The following CTBP2 variants were observed in gnomAD, a reference collection of about 807,000 sequenced individuals.
CTBP2 encodes C-terminal-binding protein 2.
CTBP2 carries 30 observed loss-of-function variants against 80.3 expected under a neutral mutation model. That is an observed-to-expected ratio of 0.37 (90% CI 0.28 to 0.51). The LOEUF is 0.51. Ranked by LOEUF, CTBP2 falls within the 20% of genes least tolerant of loss-of-function variation. The pLI, the probability that CTBP2 is intolerant of heterozygous loss-of-function variation, is 0.93. For synonymous variants in CTBP2, 594 were observed against 587.4 expected (o/e 1.01, Z -0.16); for missense variants, 1,212 against 1,375.3 (o/e 0.88, Z 1.88).
intron 3 of CTBP2, chr10:125,000,359 C>T (rs1250325253): frequency 3.3e-5 from 5 of 152,252 alleles, no homozygotes; most frequent in South Asian, 2.1e-4. Flanking sequence ...AAGTGCCACA[C>T]GATGGGTGGC....
At chr10:125,076,433 CAGA>C (rs2135510383) in intron 2 of CTBP2, among the ~76,000 whole-genome samples, 1 of 152,314 alleles carries the variant, frequency 6.6e-6, no homozygotes, top group Admixed American at 6.5e-5. Context: ...CCTCTGGGTC[CAGA>C]AGATCTCCTC....
chr10:125,113,177 G>C (rs554669620), intron 1 of CTBP2, among the ~76,000 whole-genome samples: 2 of 152,326 alleles, frequency 1.3e-5, no homozygotes, highest in Admixed American at 6.5e-5. Context: ...GTGTTAGGAA[G>C]GGAGGGACAA....
chr10:124,987,325 G>A lies in CTBP2; in HGVS notation c.*2193C>T, dbSNP rs974556024. ...CTTTTTCTAGAGCAAACAGAGCGTG[G>A]CATTTTGTTTTGACTTGTTCTTCCT... On this transcript the variant is annotated 3_prime_UTR_variant, in exon 9 of 9. Transcript: ENST00000309035. 16 of 152,030 alleles carry A rather than the reference G, an allele frequency of 1.1e-4. No individual in the cohort carries two copies. Among genetic ancestry groups the A allele is most frequent in the Non-Finnish European group, 2.2e-4 (15 of 67,940 alleles). 9.4% of individuals were successfully genotyped at this position (152,030 alleles called of 1,614,324 possible).
At chr10:125,162,249 C>T (rs1443094838), upstream of CTBP2, 1 of 152,358 alleles carries the variant, frequency 6.6e-6, no homozygotes, top group East Asian at 1.9e-4. Flanking sequence ...CAGGGACCGC[C>T]ATTCCGCGAA....
At position 125,118,268 on chromosome 10, in the gene CTBP2, T is replaced by C. The variant is rs77159744; in HGVS notation, c.-205-7175A>G. Among the ~76,000 whole-genome samples the C allele has an allele frequency of 5.6e-4, 86 of 152,320 alleles. 2 individuals carry two copies. In the East Asian group the frequency reaches 0.015, roughly 26 times the overall value. On this transcript the variant is annotated intron_variant, in intron 1 of 10. Coordinates refer to the CTBP2 transcript ENST00000337195. ...GACGAGCTGGGTGACAAGGAGGAAC[T>C]TGAAGCCCTTGCGGCATTAGCTAGG...
Position 125,027,994 on chromosome 10 carries a change from G to C in CTBP2, c.-235C>G. 8.1e-7 allele frequency: 1 copy of C among 1,242,086 alleles called. No individual in the cohort carries two copies. Among genetic ancestry groups the C allele is most frequent in the Non-Finnish European group, 1.0e-6 (1 of 954,238 alleles). 76.9% of individuals were successfully genotyped at this position (1,242,086 alleles called of 1,614,324 possible). ...CTCACTCCCCAACGATAGCCAGAGAGGTCTGTTCCTTACAGCTCAGTCCCG... is the reference window on the plus strand; with the variant it reads ...CTCACTCCCCAACGATAGCCAGAGACGTCTGTTCCTTACAGCTCAGTCCCG... On this transcript the variant is annotated 5_prime_UTR_variant, in exon 1 of 9. Transcript: ENST00000309035.
Position 124,998,061 on chromosome 10 carries a change from C to T in CTBP2, c.2088G>A (p.Leu696=), listed in dbSNP as rs1458168027. 1 of 1,613,088 alleles carries T rather than the reference C, an allele frequency of 6.2e-7. No individual in the cohort carries two copies. The highest frequency in any genetic ancestry group is 8.5e-7 in the Non-Finnish European group (1 of 1,179,912). Residue 696 remains leucine, a synonymous_variant, in exon 4 of 9, where the codon CTG becomes CTA. Transcript: ENST00000309035. ...CGCTCTGAACCCGCGTGCCTTCCCG[C>T]AGTGCCTGGTACAGCCACGTGTTCC... is the stretch of plus-strand genomic sequence containing the variant.
In CTBP2 at chr10:124,984,425, C is replaced by A; in HGVS notation, c.*5093G>T. The A allele has an allele frequency of 4.8e-6, 1 of 206,994 alleles. No individual in the cohort carries two copies. Among genetic ancestry groups the A allele is most frequent in the Non-Finnish European group, 9.5e-6 (1 of 104,742 alleles). 12.8% of individuals were successfully genotyped at this position (206,994 alleles called of 1,614,324 possible). A position where few individuals can be genotyped will look rare whatever the true frequency, so the allele number is the denominator to read the frequency against. On this transcript the variant is annotated 3_prime_UTR_variant, in exon 9 of 9. Transcript: ENST00000309035. ...TAGACCGTAACTTGTATAATTTCAG[C>A]TTGTACATAATTGACTAAGTAAACT...
intron 3 of CTBP2, among the ~76,000 whole-genome samples, chr10:125,033,967 C>T (rs1251965613): frequency 1.3e-5 from 2 of 152,118 alleles, no homozygotes; most frequent in African/African-American, 2.4e-5. Flanking sequence ...AACTAGAAGA[C>T]GGTGATGAAC....
chr10:125,002,261 G>A (rs1415215947), intron 3 of CTBP2, among the ~76,000 whole-genome samples: 3 of 152,246 alleles, frequency 2.0e-5, no homozygotes, highest in Non-Finnish European at 4.4e-5. Context: ...CTCGATGCCA[G>A]CGGTCTGCTT....
rs200482999 is a variant in CTBP2 at position 125,026,941 on chromosome 10, G to C, written c.819C>G (p.Tyr273Ter). 3 of 1,613,924 alleles carry C rather than the reference G, an allele frequency of 1.9e-6. No individual in the cohort carries two copies. Among genetic ancestry groups the C allele is most frequent in the African/African-American group, 2.7e-5 (2 of 74,934 alleles). Residue 273 changes from tyrosine to a stop codon, truncating the protein, a stop_gained, in exon 1 of 9, where the codon TAC (tyrosine) becomes TAG (stop). Coordinates refer to ENST00000309035, the MANE Select transcript of CTBP2 (RefSeq NM_022802.3). LOFTEE classifies it high-confidence loss of function. The stretch of plus-strand genomic sequence containing the variant: ...CCTGGAAGGTGGACAGGTCAGCTTC[G>C]TAAGTCTCGTAAGCCATCTTGGATG...
chr10:125,042,145 C>T (rs186247270), intron 2 of CTBP2, among the ~76,000 whole-genome samples: 80 of 152,308 alleles, frequency 5.3e-4, no homozygotes, highest in Non-Finnish European at 1.6e-4. Flanking sequence ...AGCCTCAATC[C>T]TCTCCCCCGA....
chr10:125,051,659 CA>C (rs11335150), intron 2 of CTBP2, among the ~76,000 whole-genome samples: 68,349 of 139,292 alleles, frequency 0.49, 17,508 homozygotes, highest in African/African-American at 0.72. Flanking sequence ...ACCAACCAAC[CA>C]AAAAAAAAAA....
intron 1 of CTBP2, among the ~76,000 whole-genome samples, chr10:125,019,486 C>A (rs887334483): frequency 7.2e-5 from 11 of 151,966 alleles, no homozygotes; most frequent in East Asian, 5.8e-4. Flanking sequence ...AAAAAAAAAA[C>A]CACGTCTTTC....
At chr10:125,034,102 C>G (rs1250069214) in intron 3 of CTBP2, among the ~76,000 whole-genome samples, 1 of 152,174 alleles carries the variant, frequency 6.6e-6, no homozygotes, top group Non-Finnish European at 1.5e-5. Flanking sequence ...CGCCCATCAC[C>G]AAACTGACCG....
intron 2 of CTBP2, among the ~76,000 whole-genome samples, chr10:125,071,252 C>T (rs1489375438): frequency 6.6e-6 from 1 of 152,204 alleles, no homozygotes; most frequent in Non-Finnish European, 1.5e-5. Context: ...GCGGGAAGGC[C>T]CAAGAACATG....
At chr10:125,033,680 C>T (rs568759327) in intron 3 of CTBP2, among the ~76,000 whole-genome samples, 10 of 152,246 alleles carry the variant, frequency 6.6e-5, no homozygotes, top group Non-Finnish European at 1.0e-4. Flanking sequence ...CTGTTCCCCC[C>T]GCGGCACTCC....
chr10:125,110,053 C>T (rs1430580358), intron 2 of CTBP2, among the ~76,000 whole-genome samples: 1 of 152,192 alleles, frequency 6.6e-6, no homozygotes, highest in Non-Finnish European at 1.5e-5. Context: ...TGCCCCTGGG[C>T]TCCAAGTCTC....
chr10:125,060,520 C>A (rs555971075), intron 2 of CTBP2, among the ~76,000 whole-genome samples: 3 of 150,188 alleles, frequency 2.0e-5, no homozygotes, highest in Non-Finnish European at 4.4e-5. Flanking sequence ...GTGTCTGTTG[C>A]GGCTTACCTG....
Sources: gnomAD v4.1 joint callset for allele counts (sites outside exome capture counted in the v4.1 genomes callset) on GRCh38, gnomAD v4.1.1 for gene constraint, MANE v1.5 for transcripts, NCBI Gene and HGNC (gene_info 2026-07-23, HGNC 2026-07-21) for gene names.